Variants in MSH4 observed in about 807,000 individuals in gnomAD.
MSH4 encodes mutS homolog 4.
A neutral mutation model predicts 113.7 loss-of-function variants in MSH4; 106 were observed. The observed-to-expected ratio is 0.93, with a 90% confidence interval of 0.80 to 1.10. MSH4 has a LOEUF of 1.10. Ranked by LOEUF, MSH4 falls within the 50% of genes least tolerant of loss-of-function variation. The pLI is 0.00. For missense variants in MSH4, 1,061 were observed against 1,093.7 expected, an observed-to-expected ratio of 0.97 and a Z score of 0.42; for synonymous variants, 368 against 380.2, an observed-to-expected ratio of 0.97 and a Z score of 0.37.
At chr1:75,802,517 T>C (rs2100501242) in intron 1 of MSH4, among the ~76,000 whole-genome samples, 1 of 152,334 alleles carries the variant, frequency 6.6e-6, no homozygotes, top group East Asian at 1.9e-4. Context: ...GCCAAGAGGC[T>C]ATGCTAGGTT....
At chr1:75,909,301 C>G (rs144917320) in intron 19 of MSH4, among the ~76,000 whole-genome samples, 219 of 152,194 alleles carry the variant, frequency 1.4e-3, no homozygotes, top group African/African-American at 5.2e-3. Context: ...TTATAGTCTG[C>G]TCAGAGTTTT....
intron 16 of MSH4, 43 bp from the exon 17 acceptor site, chr1:75,890,653 C>T (rs1248046029): frequency 1.9e-6 from 2 of 1,061,122 alleles, no homozygotes; most frequent in Admixed American, 6.2e-5. Flanking sequence ...ATATTGACAG[C>T]TGTTTGGTTA....
rs752356402 is a variant in MSH4, at chr1:75,822,553, T to C, written c.1134T>C (p.Asp378=). Residue 378 remains aspartate (D), a synonymous_variant, in exon 7 of 20, where the codon GAT becomes GAC. Transcript: ENST00000263187. ...RLDCVQELLQ[D]EELFFGLQSV... ...ATTGTGTTCAAGAACTACTTCAAGA[T>C]GAGGAACTATTTTTTGGACTTCAAT... The C allele has an allele frequency of 1.3e-6, 2 of 1,537,622 alleles. No homozygotes were observed.
chr1:75,909,776 T>G (rs1267944210), intron 19 of MSH4, among the ~76,000 whole-genome samples: 1 of 151,934 alleles, frequency 6.6e-6, no homozygotes, highest in African/African-American at 2.4e-5. Context: ...TCTCAATCAC[T>G]TCACTTTCTA....
chr1:75,875,064 T>C (rs1651789275), intron 9 of MSH4, among the ~76,000 whole-genome samples: 1 of 152,150 alleles, frequency 6.6e-6, no homozygotes, highest in Admixed American at 6.5e-5. Context: ...AGCTAATTGT[T>C]TGTCTTTTTG....
In MSH4 at chr1:75,863,325, T is replaced by C. The variant is rs528232439; in HGVS notation, c.1231-4189T>C. Among the ~76,000 whole-genome samples, 198 of 152,186 alleles carry C rather than the reference T, an allele frequency of 1.3e-3. 1 individual carries two copies. The highest frequency in any genetic ancestry group is 2.3e-3 in the Non-Finnish European group (157 of 68,026). ...TAGTATTATCTAGAACTGCAAGGGA[T>C]CTGAGATTCTACCCTAGTTGCAAAC... On this transcript the variant is annotated intron_variant, in intron 8 of 19. Transcript: ENST00000263187.
At chr1:75,882,663 TAAAAAAAAAAA>T (rs35936506) in intron 14 of MSH4, among the ~76,000 whole-genome samples, 1 of 123,800 alleles carries the variant, frequency 8.1e-6, no homozygotes, top group African/African-American at 3.0e-5. Context: ...ACCTCATTTC[TAAAAAAAAAAA>T]AAAAAAAAAA....
At chr1:75,890,967 C>T in intron 17 of MSH4, 143 bp downstream of exon 17, 1 of 700,768 alleles carries the variant, frequency 1.4e-6, no homozygotes, top group Non-Finnish European at 2.1e-6. Context: ...ATTTTTGTTC[C>T]TTCATTTCCA....
intron 8 of MSH4, among the ~76,000 whole-genome samples, chr1:75,852,880 T>A (rs1005442243): frequency 6.6e-6 from 1 of 152,160 alleles, no homozygotes; most frequent in Non-Finnish European, 1.5e-5. Context: ...TACTTAACTC[T>A]CTTTTCTTCC....
chr1:75,867,542 AT>A lies in MSH4; in HGVS notation c.1262del (p.Leu421Ter). 1 of 1,599,610 alleles carries A rather than the reference AT, an allele frequency of 6.3e-7. No homozygotes were observed. The highest frequency in any genetic ancestry group is 8.5e-7 in the Non-Finnish European group (1 of 1,172,240). On this transcript the variant is annotated frameshift_variant, in exon 9 of 20. Transcript: ENST00000263187. LOFTEE classifies it high-confidence loss of function. ...TVNAAESKIT[N>X]LIYLKHTLEL... ...AATGCTGCTGAATCAAAGATAACAA[AT>A]TTAATATACTTAAAACATACCTTGG...
chr1:75,832,685 C>T (rs1305719791), intron 7 of MSH4, among the ~76,000 whole-genome samples: 1 of 152,080 alleles, frequency 6.6e-6, no homozygotes, highest in African/African-American at 2.4e-5. Context: ...AAGGCAAAAA[C>T]TCATGATTAT....
chr1:75,878,087 A>T, intron 10 of MSH4, 62 bp from the exon 11 acceptor site: 1 of 1,239,060 alleles, frequency 8.1e-7, no homozygotes, highest in Non-Finnish European at 1.1e-6. Flanking sequence ...GATTCAAATT[A>T]TAAATTAAAA....
chr1:75,800,399 T>A (rs1441075768), intron 1 of MSH4, among the ~76,000 whole-genome samples: 2 of 152,126 alleles, frequency 1.3e-5, no homozygotes, highest in Non-Finnish European at 2.9e-5. Flanking sequence ...ACATAGGAAT[T>A]GTAAGAAAGA....
intron 6 of MSH4, among the ~76,000 whole-genome samples, chr1:75,820,578 T>C (rs1385107038): frequency 6.6e-6 from 1 of 152,232 alleles, no homozygotes; most frequent in Non-Finnish European, 1.5e-5. Context: ...ATTTATCCAT[T>C]TCTTCTAGAT....
chr1:75,872,501 A>G (rs1278472340), intron 9 of MSH4, among the ~76,000 whole-genome samples: 3 of 152,246 alleles, frequency 2.0e-5, no homozygotes, highest in Non-Finnish European at 4.4e-5. Flanking sequence ...TGTTAGAATG[A>G]CTGCCAGATA....
At chr1:75,871,422 A>G (rs1016380596) in intron 9 of MSH4, among the ~76,000 whole-genome samples, 3 of 152,204 alleles carry the variant, frequency 2.0e-5, no homozygotes, top group Non-Finnish European at 4.4e-5. Flanking sequence ...TTCATAGGAA[A>G]ATATTGAAAT....
At chr1:75,885,059 G>GTGTGTA (rs1300289205) in intron 15 of MSH4, among the ~76,000 whole-genome samples, 6 of 112,554 alleles carry the variant, frequency 5.3e-5, no homozygotes, top group Admixed American at 2.0e-4. Flanking sequence ...GTGTGTGTGT[G>GTGTGTA]TATATATATA....
intron 8 of MSH4, among the ~76,000 whole-genome samples, chr1:75,856,520 G>C (rs1376574951): frequency 6.6e-6 from 1 of 152,130 alleles, no homozygotes. Context: ...TCCCACTTAT[G>C]AGTGAGAACA....
At chr1:75,807,309 T>G (rs1650091997) in intron 3 of MSH4, among the ~76,000 whole-genome samples, 168 bp downstream of exon 3, 1 of 152,260 alleles carries the variant, frequency 6.6e-6, no homozygotes. Flanking sequence ...CTGATTTTTA[T>G]TTTTTAAATA....
Sources: allele counts gnomAD v4.1 joint callset (sites outside exome capture counted in the v4.1 genomes callset), GRCh38; gene constraint gnomAD v4.1.1; transcripts MANE v1.5; gene names NCBI Gene and HGNC (gene_info 2026-07-23, HGNC 2026-07-21).